The following RAB22A variants were observed in gnomAD, a reference collection of about 807,000 sequenced individuals.
RAB22A encodes RAB22A, member RAS oncogene family, also known as ras-related protein Rab-22A.
In RAB22A, 13 loss-of-function variants were observed where a neutral mutation model predicts 30.2. The ratio of observed to expected loss-of-function variants is 0.43; its 90% CI spans 0.28 to 0.68. The LOEUF (loss-of-function observed/expected upper bound fraction) is 0.68, where lower values mean the gene tolerates loss of function less well. Among genes scored for constraint, RAB22A ranks in the 30% least tolerant of loss-of-function variants. The pLI is 0.18. For synonymous variants in RAB22A, 89 were observed against 87.2 expected (o/e 1.02, Z -0.11); for missense variants, 177 against 246.8 (o/e 0.72, Z 1.89).
intron 3 of RAB22A, among the ~76,000 whole-genome samples, chr20:58,347,717 T>TA (rs1346921218): frequency 6.6e-6 from 1 of 152,236 alleles, no homozygotes; most frequent in Non-Finnish European, 1.5e-5. Context: ...CTTCTCAAGA[T>TA]AGAGTCTTTG....
chr20:58,328,120 C>CAACT (rs1393404530), intron 2 of RAB22A, among the ~76,000 whole-genome samples: 1 of 152,170 alleles, frequency 6.6e-6, no homozygotes, highest in East Asian at 1.9e-4. Flanking sequence ...AGGCAATAGG[C>CAACT]AACTCACTAT....
chr20:58,366,766 T>C lies in RAB22A; in HGVS notation c.*7063T>C, dbSNP rs1435344144. 6.6e-6 allele frequency: 1 copy of C among 152,240 alleles called. No individual in the cohort carries two copies. Among genetic ancestry groups the C allele is most frequent in the African/African-American group, 2.4e-5 (1 of 41,468 alleles). The allele number at this position is 152,240 out of a possible 1,614,324, so 9.4% of individuals were successfully genotyped here. On this transcript the variant is annotated 3_prime_UTR_variant, in exon 7 of 7. Coordinates refer to ENST00000244040, the MANE Select transcript of RAB22A (RefSeq NM_020673.3). ...AGTTAACAAAATGGGTTTTGGTTTT[T>C]TGTTTTGTTTTGTTTTACCATTGGT...
chr20:58,312,879 C>T (rs1986260056), intron 2 of RAB22A, among the ~76,000 whole-genome samples: 1 of 152,138 alleles, frequency 6.6e-6, no homozygotes, highest in Non-Finnish European at 1.5e-5. Flanking sequence ...AATTAAAATG[C>T]TTTTCCGTGT....
In RAB22A at chr20:58,367,156, G is replaced by A. The variant is rs528284101; in HGVS notation, c.*7453G>A. ...ATGGCCTGGTTACCTGTCATGGAAT[G>A]CTGCAGTGGTGGTTTGCCAAGCTTC... On this transcript the variant is annotated 3_prime_UTR_variant, in exon 7 of 7. Coordinates refer to ENST00000244040, the MANE Select transcript of RAB22A (RefSeq NM_020673.3). The A allele has an allele frequency of 6.6e-6, 1 of 152,586 alleles. No homozygotes were observed. Among genetic ancestry groups the A allele is most frequent in the South Asian group, 2.1e-4 (1 of 4,830 alleles). The allele number at this position is 152,586 out of a possible 1,614,324, so 9.5% of individuals were successfully genotyped here. A position where few individuals can be genotyped will look rare whatever the true frequency, so the allele number is the denominator to read the frequency against.
At chr20:58,335,690 G>A (rs920902218) in intron 2 of RAB22A, among the ~76,000 whole-genome samples, 1 of 152,112 alleles carries the variant, frequency 6.6e-6, no homozygotes, top group African/African-American at 2.4e-5. Context: ...GAGATGTTTG[G>A]GTCTATCCTT....
chr20:58,328,633 T>A (rs1056887678), intron 2 of RAB22A, among the ~76,000 whole-genome samples: 1 of 152,134 alleles, frequency 6.6e-6, no homozygotes, highest in Admixed American at 6.5e-5. Context: ...TAACATTGTG[T>A]TGTGGATGCC....
intron 2 of RAB22A, among the ~76,000 whole-genome samples, chr20:58,331,713 C>G (rs564947272): frequency 4.0e-5 from 6 of 151,764 alleles, no homozygotes; most frequent in African/African-American, 1.5e-4. Flanking sequence ...TCCTTTCTAC[C>G]TCTTGGGGCT....
chr20:58,313,252 C>G (rs1250603551), intron 2 of RAB22A, among the ~76,000 whole-genome samples: 1 of 152,214 alleles, frequency 6.6e-6, no homozygotes, highest in Non-Finnish European at 1.5e-5. Context: ...CCACTCTCTG[C>G]ACCAGGAGAT....
At chr20:58,353,987 T>G (rs1987094535) in intron 5 of RAB22A, among the ~76,000 whole-genome samples, 169 bp from the exon 6 acceptor site, 1 of 152,220 alleles carries the variant, frequency 6.6e-6, no homozygotes, top group Admixed American at 6.5e-5. Context: ...TTCACTTTGT[T>G]TGTTTACCCA....
At chr20:58,320,391 T>G (rs1276905734) in intron 2 of RAB22A, among the ~76,000 whole-genome samples, 1 of 152,238 alleles carries the variant, frequency 6.6e-6, no homozygotes, top group Non-Finnish European at 1.5e-5. Flanking sequence ...TAAAGTTGTT[T>G]ATAATATCCA....
intron 2 of RAB22A, among the ~76,000 whole-genome samples, chr20:58,319,184 C>T (rs574966588): frequency 3.5e-4 from 53 of 151,278 alleles, no homozygotes; most frequent in African/African-American, 1.2e-3. Flanking sequence ...ACAAAGTAAA[C>T]GAGTAGAAAC....
At position 58,311,174 on chromosome 20, in the gene RAB22A, A is replaced by G. The variant is rs1323977369; in HGVS notation, c.116+52A>G. ...CTAAAGGTGCATTGAAAATCCTTCC[A>G]AATACATAGTGTGTTACAGGTGTAG... On this transcript the variant is annotated intron_variant, in intron 2 of 6. Coordinates refer to ENST00000244040, the MANE Select transcript of RAB22A (RefSeq NM_020673.3). 6 of 1,469,612 alleles carry G rather than the reference A, an allele frequency of 4.1e-6. No individual in the cohort carries two copies. The South Asian group carries it at 6.8e-5, about 17-fold the overall frequency. The allele number at this position is 1,469,612 out of a possible 1,614,324, so 91.0% of individuals were successfully genotyped here.
chr20:58,332,034 G>A (rs1600730393), intron 2 of RAB22A, among the ~76,000 whole-genome samples: 2 of 152,134 alleles, frequency 1.3e-5, no homozygotes, highest in East Asian at 3.8e-4. Context: ...TCAAATGTAA[G>A]TAGTAATGAT....
At chr20:58,337,111 G>A (rs923267592) in intron 2 of RAB22A, among the ~76,000 whole-genome samples, 6 of 152,164 alleles carry the variant, frequency 3.9e-5, no homozygotes, top group African/African-American at 1.2e-4. Context: ...ACAGCAAACT[G>A]AGCAGCTTTA....
At chr20:58,310,933 T>G in intron 1 of RAB22A, 110 bp from the exon 2 acceptor site, 1 of 846,376 alleles carries the variant, frequency 1.2e-6, no homozygotes, top group South Asian at 1.5e-5. Flanking sequence ...TTATAAAATT[T>G]ACACGTCTAG....
chr20:58,353,820 G>C (rs1282344389), intron 5 of RAB22A, among the ~76,000 whole-genome samples: 1 of 152,190 alleles, frequency 6.6e-6, no homozygotes, highest in Non-Finnish European at 1.5e-5. Flanking sequence ...CCATGACTTA[G>C]AATACTTGAA....
At chr20:58,352,991 A>G (rs1426196670) in intron 3 of RAB22A, among the ~76,000 whole-genome samples, 1 of 152,246 alleles carries the variant, frequency 6.6e-6, no homozygotes, top group Non-Finnish European at 1.5e-5. Flanking sequence ...TATAACATTG[A>G]GTTCAATTAA....
chr20:58,346,578 G>A (rs1472973517), intron 3 of RAB22A, among the ~76,000 whole-genome samples: 3 of 152,122 alleles, frequency 2.0e-5, no homozygotes, highest in Non-Finnish European at 4.4e-5. Context: ...ATCTAAGCAG[G>A]GCCCCAACTT....
chr20:58,333,136 A>G (rs1400391627), intron 2 of RAB22A, among the ~76,000 whole-genome samples: 1 of 151,798 alleles, frequency 6.6e-6, no homozygotes, highest in East Asian at 1.9e-4. Context: ...AAAAATTAGC[A>G]GGGTGTGGTG....
Sources: gnomAD v4.1 joint callset for allele counts (sites outside exome capture counted in the v4.1 genomes callset) on GRCh38, gnomAD v4.1.1 for gene constraint, MANE v1.5 for transcripts, NCBI Gene and HGNC (gene_info 2026-07-23, HGNC 2026-07-21) for gene names.